PDS5A: variants seen among roughly 807,000 people sequenced by gnomAD.
PDS5A encodes sister chromatid cohesion protein PDS5 homolog A.
In PDS5A, 42 loss-of-function variants were observed where a neutral mutation model predicts 167.1. The observed-to-expected ratio is 0.25, with a 90% CI of 0.20 to 0.33. The LOEUF (loss-of-function observed/expected upper bound fraction) is 0.33. Among genes scored for constraint, PDS5A ranks in the 10% least tolerant of loss-of-function variants. The pLI is 1.00. For missense variants in PDS5A, 1,033 were observed against 1,605.9 expected (o/e 0.64, Z 6.10); for synonymous variants, 553 against 554.6 (o/e 1.00, Z 0.04).
At chr4:39,959,028 A>G (rs1471578505) in intron 2 of PDS5A, among the ~76,000 whole-genome samples, 1 of 152,158 alleles carries the variant, frequency 6.6e-6, no homozygotes, top group Non-Finnish European at 1.5e-5. Context: ...TCCCAGCCCA[A>G]CTGTCACCTT....
chr4:39,838,321 A>G, intron 31 of PDS5A, 113 bp from the exon 32 acceptor site: 1 of 748,238 alleles, frequency 1.3e-6, no homozygotes, highest in Non-Finnish European at 2.1e-6. Flanking sequence ...GAGGGCTTCC[A>G]GTTAACTGCT....
chr4:39,849,466 A>C, intron 27 of PDS5A, 54 bp downstream of exon 27: 223 of 820,822 alleles, frequency 2.7e-4, no homozygotes, highest in Non-Finnish European at 3.9e-4. Flanking sequence ...ACCAAGTGGG[A>C]CAATATATTT....
intron 10 of PDS5A, among the ~76,000 whole-genome samples, chr4:39,909,236 G>A (rs1439967275): frequency 1.3e-5 from 2 of 151,600 alleles, no homozygotes; most frequent in South Asian, 2.1e-4. Context: ...AGCAATTTTC[G>A]TACCTCAGCC....
intron 2 of PDS5A, among the ~76,000 whole-genome samples, chr4:39,949,126 C>G (rs577596323): frequency 5.0e-4 from 74 of 148,386 alleles, no homozygotes; most frequent in African/African-American, 1.7e-3. Flanking sequence ...AACCCTGTCT[C>G]TACAAAAAAC....
At chr4:39,835,500 G>A (rs1716302873) in intron 32 of PDS5A, among the ~76,000 whole-genome samples, 1 of 152,090 alleles carries the variant, frequency 6.6e-6, no homozygotes, top group South Asian at 2.1e-4. Flanking sequence ...AAGTTTTCAG[G>A]GTTCCAGCAT....
chr4:39,965,949 T>A (rs1030328204), intron 2 of PDS5A, among the ~76,000 whole-genome samples: 6 of 152,218 alleles, frequency 3.9e-5, no homozygotes, highest in African/African-American at 1.4e-4. Flanking sequence ...ATGTTATGTA[T>A]ATTTTACCAT....
chr4:39,966,314 G>T (rs1729960583), intron 2 of PDS5A, among the ~76,000 whole-genome samples: 1 of 152,120 alleles, frequency 6.6e-6, no homozygotes, highest in African/African-American at 2.4e-5. Context: ...GTACTTCAGG[G>T]GTCCTCCTGG....
intron 1 of PDS5A, among the ~76,000 whole-genome samples, chr4:39,976,950 G>C (rs972465625): frequency 6.6e-6 from 1 of 152,154 alleles, no homozygotes; most frequent in African/African-American, 2.4e-5. Context: ...AGGACCCCAA[G>C]GCCCCCGCTC....
At chr4:39,879,643 A>AT (rs1720772628) in intron 18 of PDS5A, 85 bp downstream of exon 18, 2 of 694,808 alleles carry the variant, frequency 2.9e-6, no homozygotes. Context: ...TTCCTGTGAA[A>AT]TAAGCCTGAC....
At chr4:39,862,528 T>G (rs902180370) in intron 25 of PDS5A, among the ~76,000 whole-genome samples, 195 bp from the exon 26 acceptor site, 3 of 152,194 alleles carry the variant, frequency 2.0e-5, no homozygotes, top group African/African-American at 7.2e-5. Flanking sequence ...ATTTCACTTT[T>G]GAAAGATACT....
chr4:39,865,827 C>T (rs1283216614), intron 23 of PDS5A, among the ~76,000 whole-genome samples: 1 of 152,130 alleles, frequency 6.6e-6, no homozygotes, highest in Non-Finnish European at 1.5e-5. Flanking sequence ...AACCTCTGTC[C>T]TCTAAAACAA....
chr4:39,926,888 T>C, intron 3 of PDS5A, 27 bp from the exon 4 acceptor site: 4 of 1,374,686 alleles, frequency 2.9e-6, no homozygotes, highest in Non-Finnish European at 2.9e-6. Context: ...CACATTAATT[T>C]AGACACAAAT....
At chr4:39,964,892 G>C (rs934247141) in intron 2 of PDS5A, among the ~76,000 whole-genome samples, 1 of 151,518 alleles carries the variant, frequency 6.6e-6, no homozygotes, top group Non-Finnish European at 1.5e-5. Context: ...GCAGTGAGCC[G>C]AGGTCGTGCC....
At chr4:39,872,172 CTTT>C (rs35032799) in intron 21 of PDS5A, among the ~76,000 whole-genome samples, 12 of 95,472 alleles carry the variant, frequency 1.3e-4, no homozygotes, top group East Asian at 3.1e-4. Flanking sequence ...AGTCCACTTA[CTTT>C]TTTTTTTTTT....
At chr4:39,900,678 G>GTAAATA (rs10673381) in intron 13 of PDS5A, among the ~76,000 whole-genome samples, 171 bp from the exon 14 acceptor site, 18,464 of 152,080 alleles carry the variant, frequency 0.12, 1,278 homozygotes, top group African/African-American at 0.21. Flanking sequence ...AGTACAAATG[G>GTAAATA]TAAATATAAG....
At chr4:39,891,267 AGGT>A (rs1394333558) in intron 16 of PDS5A, among the ~76,000 whole-genome samples, 2 of 151,168 alleles carry the variant, frequency 1.3e-5, no homozygotes, top group East Asian at 4.0e-4. Flanking sequence ...TCCCGAACTC[AGGT>A]GATCCAACCC....
chr4:39,829,941 A>C (rs1715683134), intron 32 of PDS5A, among the ~76,000 whole-genome samples: 1 of 110,578 alleles, frequency 9.0e-6, no homozygotes, highest in Non-Finnish European at 1.7e-5. Context: ...ACAGACTGAG[A>C]CTCCAACTCA....
intron 31 of PDS5A, among the ~76,000 whole-genome samples, chr4:39,839,927 C>A (rs947753676): frequency 6.6e-6 from 1 of 151,764 alleles, no homozygotes; most frequent in Non-Finnish European, 1.5e-5. Context: ...AACCCCGTCT[C>A]TACTAAAAAT....
rs1531749 is a variant in PDS5A at position 39,926,762 on chromosome 4, T to G, written c.429+13A>C. 0.091 allele frequency: 122,134 copies of G among 1,342,458 alleles called. 5,373 individuals carry two copies. The highest frequency in any genetic ancestry group is 0.21 in the African/African-American group (13,293 of 64,292). The allele number at this position is 1,342,458 out of a possible 1,614,324, so 83.2% of individuals were successfully genotyped here. A position where few individuals can be genotyped will look rare whatever the true frequency, so the allele number is the denominator to read the frequency against. On this transcript the variant is annotated intron_variant, in intron 4 of 32. Transcript: ENST00000303538. ...AATAATGTTAATAGTTATTAAAGTTTTTTTTTTTTTACCTCTAATAAATAA... is the reference window on the plus strand; with the variant it reads ...AATAATGTTAATAGTTATTAAAGTTGTTTTTTTTTTACCTCTAATAAATAA...
Sources: gnomAD v4.1 joint callset for allele counts (sites outside exome capture counted in the v4.1 genomes callset) on GRCh38, gnomAD v4.1.1 for gene constraint, MANE v1.5 for transcripts, NCBI Gene and HGNC (gene_info 2026-07-23, HGNC 2026-07-21) for gene names.